SMC3: variants seen among roughly 807,000 people sequenced by gnomAD.
SMC3 encodes the protein structural maintenance of chromosomes 3.
A neutral mutation model predicts 171.8 loss-of-function variants in SMC3; 20 were observed. The observed-to-expected ratio is 0.12, with a 90% CI of 0.08 to 0.17. SMC3 has a LOEUF of 0.17. Ranked by LOEUF, SMC3 falls within the 10% of genes least tolerant of loss-of-function variation. The pLI is 1.00. For synonymous variants in SMC3, 464 were observed against 451.1 expected (o/e 1.03, Z -0.36); for missense variants, 543 against 1,420.4 (o/e 0.38, Z 9.93).
rs772123730 is a variant in SMC3, at chr10:110,584,393, T to C, written c.1302T>C (p.Tyr434=). 1 of 1,606,324 alleles carries C rather than the reference T, an allele frequency of 6.2e-7. No individual in the cohort carries two copies. The highest frequency in any genetic ancestry group is 8.5e-7 in the Non-Finnish European group (1 of 1,173,956). The change falls in exon 13 of 29, where the codon TAT becomes TAC. Residue 434 remains tyrosine (Y), a synonymous_variant. Coordinates refer to ENST00000361804, the MANE Select transcript of SMC3 (RefSeq NM_005445.4). ...ATAAAGAGAAAAATCTGGAGCAGTA[T>C]AATGTAAGAACTTCTATAGCTGCTT... ...EANKEKNLEQ[Y]NKLDQDLNEV... is the part of the protein sequence containing the mutation.
In SMC3 at chr10:110,583,573, A is replaced by G. The variant is rs932883929; in HGVS notation, c.969+25A>G. 7 of 1,610,568 alleles carry G rather than the reference A, an allele frequency of 4.3e-6. No homozygotes were observed. The African/African-American group carries it at 9.4e-5, about 22-fold the overall frequency. ...GGTAAGTTAAAATGCTAAAAATGAA[A>G]GATGTGAATGTTCAGGTGAGTAGCA... is the stretch of plus-strand genomic sequence containing the variant. On this transcript the variant is annotated intron_variant, in intron 11 of 28. Coordinates refer to ENST00000361804, the MANE Select transcript of SMC3 (RefSeq NM_005445.4).
intron 19 of SMC3, 115 bp from the exon 20 acceptor site, chr10:110,598,024 T>C: frequency 1.1e-6 from 1 of 934,150 alleles, no homozygotes; most frequent in Non-Finnish European, 1.7e-6. Flanking sequence ...TTTGAGGACA[T>C]AAATGTTATT....
chr10:110,592,637 CCT>C (rs577333517), intron 17 of SMC3, among the ~76,000 whole-genome samples: 96 of 152,036 alleles, frequency 6.3e-4, no homozygotes, highest in African/African-American at 2.2e-3. Flanking sequence ...TATATTTAGC[CCT>C]TTTATGTGAG....
chr10:110,580,898 T>G lies in SMC3; in HGVS notation c.430-6T>G. ...TATGTAATGATTATTTTTCTAAAAA[T>G]TTTAGATCAACCAGATGGCAACAGC... On this transcript the variant is annotated splice_polypyrimidine_tract_variant and splice_region_variant and intron_variant, in intron 7 of 28. Coordinates refer to ENST00000361804, the MANE Select transcript of SMC3 (RefSeq NM_005445.4). 2 of 1,519,438 alleles carry G rather than the reference T, an allele frequency of 1.3e-6. No homozygotes were observed. Among genetic ancestry groups the G allele is most frequent in the Non-Finnish European group, 9.1e-7 (1 of 1,093,502 alleles). The allele number at this position is 1,519,438 out of a possible 1,614,324, so 94.1% of individuals were successfully genotyped here.
Position 110,597,361 on chromosome 10 carries a change from C to T in SMC3, c.2117-778C>T, listed in dbSNP as rs559873768. Among the ~76,000 whole-genome samples, 5 of 150,980 alleles carry T rather than the reference C, an allele frequency of 3.3e-5. No homozygotes were observed. In the East Asian group the frequency reaches 9.6e-4, roughly 29 times the overall value. On this transcript the variant is annotated intron_variant, in intron 19 of 28. Transcript: ENST00000361804. ...ATTGTATATGTGGATTTTCTTAAAA[C>T]CACCATGGTGCTTTGGTATAAGAAG...
In SMC3 at chr10:110,601,646, A is replaced by G. The variant is rs1861388930; in HGVS notation, c.2654A>G (p.Asn885Ser). 1 of 1,611,830 alleles carries G rather than the reference A, an allele frequency of 6.2e-7. No individual in the cohort carries two copies. The highest frequency in any genetic ancestry group is 8.5e-7 in the Non-Finnish European group (1 of 1,179,780). The change falls in exon 24 of 29, where the codon AAT (asparagine) becomes AGT (serine). Residue 885 changes from asparagine to serine, a missense_variant. Asn to Ser is a conservative substitution (Grantham distance 46, BLOSUM62 1). Transcript: ENST00000361804. ...TTTCCCCCCATCTTAGATTTGGACAATTCCATTGATAAAACAGAAGCTGGA... is the reference window on the plus strand; with the variant it reads ...TTTCCCCCCATCTTAGATTTGGACAGTTCCATTGATAAAACAGAAGCTGGA... ...DTMARSEDLD[N>S]SIDKTEAGIK...
chr10:110,604,094 C>CAAAAAA lies in SMC3; in HGVS notation c.3583-119_3583-114dup, dbSNP rs57491050. On this transcript the variant is annotated intron_variant, in intron 28 of 28. Transcript: ENST00000361804. The stretch of plus-strand genomic sequence containing the variant: ...TGGGCAACAGAGCAAGACTCCATCT[C>CAAAAAA]AAAAAAAAAAAAAAAAAAAAAAACT... The CAAAAAA allele has an allele frequency of 8.2e-4, 189 of 229,996 alleles. 1 individual carries two copies. Among genetic ancestry groups the CAAAAAA allele is most frequent in the Admixed American group, 2.5e-3 (34 of 13,720 alleles). 14.2% of individuals were successfully genotyped at this position (229,996 alleles called of 1,614,324 possible).
intron 17 of SMC3, 70 bp from the exon 18 acceptor site, chr10:110,593,003 G>A: frequency 8.1e-7 from 1 of 1,239,270 alleles, no homozygotes; most frequent in Non-Finnish European, 1.2e-6. Flanking sequence ...TCATAAAGAT[G>A]TAATTTCATA....
chr10:110,592,752 C>T lies in SMC3; in HGVS notation c.1813-321C>T, dbSNP rs180677387. On this transcript the variant is annotated intron_variant, in intron 17 of 28. Transcript: ENST00000361804. ...ATTTTGTAGATAAAGTAACTATTAT[C>T]TGAGGAAGTTAAGCAACTTGTCCAC... Among the ~76,000 whole-genome samples the T allele has an allele frequency of 1.1e-3, 161 of 152,274 alleles. 1 individual carries two copies. Among genetic ancestry groups the T allele is most frequent in the Non-Finnish European group, 1.9e-3 (131 of 68,022 alleles).
At chr10:110,575,290 T>C (rs1393521811) in intron 3 of SMC3, 46 bp from the exon 4 acceptor site, 2 of 1,434,188 alleles carry the variant, frequency 1.4e-6, no homozygotes, top group East Asian at 2.3e-5. Flanking sequence ...AAATAAGTTA[T>C]AAACACTTTT....
intron 7 of SMC3, among the ~76,000 whole-genome samples, chr10:110,578,971 A>G (rs1265784579): frequency 6.6e-6 from 1 of 152,228 alleles, no homozygotes; most frequent in Non-Finnish European, 1.5e-5. Flanking sequence ...ATGTTGCAAT[A>G]ATTAAGAATA....
Position 110,603,170 on chromosome 10 carries a change from T to C in SMC3, c.3476-14T>C. 1 of 1,587,186 alleles carries C rather than the reference T, an allele frequency of 6.3e-7. No individual in the cohort carries two copies. Among genetic ancestry groups the C allele is most frequent in the African/African-American group, 1.3e-5 (1 of 74,498 alleles). On this transcript the variant is annotated splice_polypyrimidine_tract_variant and intron_variant, in intron 27 of 28. Transcript: ENST00000361804. ...TGAAAAGAAATTTGTTAAAGCACAA[T>C]TTTCTTTTTACAGATATGATTATGG...
Position 110,578,529 on chromosome 10 carries a change from T to G in SMC3, c.351-99T>G, listed in dbSNP as rs79996015. 7,889 of 807,044 alleles carry G rather than the reference T, an allele frequency of 9.8e-3. 348 individuals carry two copies. The African/African-American group carries it at 0.11, about 11-fold the overall frequency. The allele number at this position is 807,044 out of a possible 1,614,324, so 50.0% of individuals were successfully genotyped here. A position where few individuals can be genotyped will look rare whatever the true frequency, so the allele number is the denominator to read the frequency against. ...GATACAGATGGTTTAATTACTGATC[T>G]TTCCTCCCTAATGCTATCAACCAAG... On this transcript the variant is annotated intron_variant, in intron 6 of 28. Coordinates refer to ENST00000361804, the MANE Select transcript of SMC3 (RefSeq NM_005445.4).
In SMC3 at chr10:110,605,228, T is replaced by G. The variant is rs1454095394; in HGVS notation, c.*926T>G. 6.6e-6 allele frequency among the ~76,000 whole-genome samples: 1 copy of G among 152,152 alleles called. No individual in the cohort carries two copies. The highest frequency in any genetic ancestry group is 2.4e-5 in the African/African-American group (1 of 41,452). On this transcript the variant is annotated 3_prime_UTR_variant, in exon 29 of 29. Coordinates refer to ENST00000361804, the MANE Select transcript of SMC3 (RefSeq NM_005445.4). ...GGTTTCTTTGTTGTGAAGTTACATT[T>G]TTTTCCCTTTCCATACTACTCTTTT...
chr10:110,600,345 A>T, intron 21 of SMC3, 94 bp from the exon 22 acceptor site: 1 of 742,368 alleles, frequency 1.3e-6, no homozygotes, highest in South Asian at 1.5e-5. Flanking sequence ...ATTTCAGCTC[A>T]CATGAGCACA....
intron 4 of SMC3, among the ~76,000 whole-genome samples, chr10:110,576,008 A>C (rs1354464382): frequency 6.6e-6 from 1 of 152,208 alleles, no homozygotes; most frequent in African/African-American, 2.4e-5. Flanking sequence ...AGTAAACATC[A>C]TTTTCCAGTA....
chr10:110,576,267 T>G (rs1860949120), intron 4 of SMC3, among the ~76,000 whole-genome samples: 1 of 152,234 alleles, frequency 6.6e-6, no homozygotes, highest in South Asian at 2.1e-4. Context: ...TAGACTGCTA[T>G]CACGTTGTCA....
Position 110,575,263 on chromosome 10 carries a change from G to A in SMC3, c.131-73G>A, listed in dbSNP as rs148075470. On this transcript the variant is annotated intron_variant, in intron 3 of 28. Transcript: ENST00000361804. ...ATTACCAGACACACTATGTTCTATT[G>A]AGGTGTGGGAAGTTATAAATAAGTT... The A allele has an allele frequency of 6.0e-3, 5,958 of 994,426 alleles. 195 individuals are homozygous for A. The highest frequency in any genetic ancestry group is 1.8e-3 in the Non-Finnish European group (1,124 of 623,036). The allele number at this position is 994,426 out of a possible 1,614,324, so 61.6% of individuals were successfully genotyped here.
At chr10:110,569,046 T>C (rs769627755) in intron 2 of SMC3, 33 bp downstream of exon 2, 20 of 1,277,256 alleles carry the variant, frequency 1.6e-5, no homozygotes, top group Non-Finnish European at 2.3e-5. Context: ...GTCATATTTA[T>C]AGTCTATACA....
Sources: gnomAD v4.1 joint callset for allele counts (sites outside exome capture counted in the v4.1 genomes callset) on GRCh38, gnomAD v4.1.1 for gene constraint, MANE v1.5 for transcripts, NCBI Gene and HGNC (gene_info 2026-07-23, HGNC 2026-07-21) for gene names.